SNTG2: variants seen among roughly 807,000 people sequenced by gnomAD.
SNTG2 encodes gamma-2-syntrophin.
SNTG2 carries 74 observed loss-of-function variants against 70.9 expected under a neutral mutation model. The observed-to-expected ratio is 1.04, with a 90% CI of 0.86 to 1.27. SNTG2 has a LOEUF of 1.27. Ranked by LOEUF, SNTG2 falls within the 50% of genes most tolerant of loss-of-function variation. The pLI is 0.00. For synonymous variants in SNTG2, 278 were observed against 273.8 expected (o/e 1.02, Z -0.15); for missense variants, 717 against 690.7 (o/e 1.04, Z -0.43).
At chr2:1,201,676 T>A (rs564894258) in intron 8 of SNTG2, among the ~76,000 whole-genome samples, 1 of 152,122 alleles carries the variant, frequency 6.6e-6, no homozygotes, top group African/African-American at 2.4e-5. Flanking sequence ...TTTTAATACC[T>A]TGTTTTGATC....
At chr2:990,256 C>T (rs915772724) in intron 1 of SNTG2, among the ~76,000 whole-genome samples, 5 of 152,206 alleles carry the variant, frequency 3.3e-5, no homozygotes, top group African/African-American at 1.2e-4. Flanking sequence ...CTCAGAGAGG[C>T]CTTGCTGTGT....
chr2:1,124,548 A>G (rs774896784), intron 4 of SNTG2, among the ~76,000 whole-genome samples: 9 of 151,994 alleles, frequency 5.9e-5, no homozygotes, highest in Non-Finnish European at 1.3e-4. Context: ...CTCCCACCTT[A>G]GCCTCCCAAA....
intron 1 of SNTG2, among the ~76,000 whole-genome samples, chr2:1,031,835 C>G (rs4971334): frequency 0.38 from 57,483 of 151,454 alleles, 11,232 homozygotes; most frequent in South Asian, 0.44. Flanking sequence ...AAATATCATG[C>G]ATAGGTCAAT....
chr2:1,018,250 G>T (rs1659973338), intron 1 of SNTG2, among the ~76,000 whole-genome samples: 2 of 152,178 alleles, frequency 1.3e-5, no homozygotes, highest in African/African-American at 2.4e-5. Flanking sequence ...GTGCATCAAA[G>T]CAAGGGAAAC....
At chr2:1,106,648 A>C (rs868381062) in intron 4 of SNTG2, among the ~76,000 whole-genome samples, 2 of 97,466 alleles carry the variant, frequency 2.1e-5, no homozygotes, top group East Asian at 3.5e-4. Context: ...TAGTGGACAC[A>C]CGCTGTCACT....
intron 4 of SNTG2, among the ~76,000 whole-genome samples, chr2:1,105,827 C>T (rs1056930219): frequency 2.0e-5 from 3 of 152,152 alleles, no homozygotes; most frequent in African/African-American, 4.8e-5. Flanking sequence ...CTCCCTGCTC[C>T]GATGCATGGC....
chr2:967,278 G>A (rs73165768), intron 1 of SNTG2, among the ~76,000 whole-genome samples: 52,042 of 151,870 alleles, frequency 0.34, 9,647 homozygotes, highest in Middle Eastern at 0.46. Context: ...AATGGGGAGA[G>A]TGGACACCTT....
intron 16 of SNTG2, among the ~76,000 whole-genome samples, chr2:1,338,709 C>G (rs922135583): frequency 1.3e-5 from 2 of 152,086 alleles, no homozygotes; most frequent in Non-Finnish European, 1.5e-5. Flanking sequence ...CCAGAACATT[C>G]TTTTTTAGAG....
In SNTG2 at chr2:1,267,557, G is replaced by A. The variant is rs1248448154; in HGVS notation, c.1270G>A (p.Val424Ile). 1.2e-6 allele frequency: 2 copies of A among 1,612,874 alleles called. No individual in the cohort carries two copies. The highest frequency in any genetic ancestry group is 2.7e-5 in the African/African-American group (2 of 74,912). ...KSFQRATFME[V>I]QRTGSRTYMC... ...CTTCCAAAGAGCCACGTTCATGGAA[G>A]TTCAGAGAACCGGGGTAAGTGAACA... The change falls in exon 14 of 17, where the codon GTT becomes ATT. Residue 424 changes from valine (V) to isoleucine (I), a missense_variant. Coordinates refer to ENST00000308624, the MANE Select transcript of SNTG2 (RefSeq NM_018968.4).
At chr2:1,289,102 A>G (rs1297734585) in intron 14 of SNTG2, among the ~76,000 whole-genome samples, 1 of 151,190 alleles carries the variant, frequency 6.6e-6, no homozygotes, top group Non-Finnish European at 1.5e-5. Flanking sequence ...TTGGCTTGAA[A>G]CTCAAGTGTT....
intron 12 of SNTG2, among the ~76,000 whole-genome samples, chr2:1,254,002 C>CT (rs1337610512): frequency 6.6e-6 from 1 of 152,302 alleles, no homozygotes; most frequent in African/African-American, 2.4e-5. Flanking sequence ...CATGAAAACT[C>CT]TATTAGGAGA....
At chr2:1,112,466 G>T (rs929184467) in intron 4 of SNTG2, among the ~76,000 whole-genome samples, 2 of 151,564 alleles carry the variant, frequency 1.3e-5, no homozygotes, top group Non-Finnish European at 2.9e-5. Flanking sequence ...TACTAAGTGA[G>T]GTTTAAACCT....
intron 9 of SNTG2, among the ~76,000 whole-genome samples, chr2:1,227,167 G>A (rs1231256464): frequency 6.6e-6 from 1 of 152,222 alleles, no homozygotes; most frequent in Non-Finnish European, 1.5e-5. Context: ...TTTCTCCTAA[G>A]TTAATTCTGC....
chr2:1,113,570 G>C (rs890578086), intron 4 of SNTG2, among the ~76,000 whole-genome samples: 19 of 151,760 alleles, frequency 1.3e-4, no homozygotes, highest in African/African-American at 4.6e-4. Flanking sequence ...AGGATCGTGT[G>C]TACTAAGTGA....
At chr2:1,237,239 G>A (rs1005956114) in intron 9 of SNTG2, among the ~76,000 whole-genome samples, 11 of 152,064 alleles carry the variant, frequency 7.2e-5, no homozygotes, top group Non-Finnish European at 1.5e-4. Context: ...CACTGCGCCC[G>A]GCCAATATGC....
intron 12 of SNTG2, among the ~76,000 whole-genome samples, chr2:1,250,868 C>G (rs570599419): frequency 6.6e-6 from 1 of 152,216 alleles, no homozygotes; most frequent in African/African-American, 2.4e-5. Context: ...ATTCATGGCC[C>G]CTTTCTTGTC....
At chr2:1,180,313 A>T (rs1671787472) in intron 8 of SNTG2, among the ~76,000 whole-genome samples, 1 of 136,220 alleles carries the variant, frequency 7.3e-6, no homozygotes. Flanking sequence ...TTTGCAACCT[A>T]CTCATCTGAC....
chr2:1,187,371 G>A (rs1672311910), intron 8 of SNTG2, among the ~76,000 whole-genome samples: 1 of 152,106 alleles, frequency 6.6e-6, no homozygotes, highest in Non-Finnish European at 1.5e-5. Context: ...GGTGGGCCTC[G>A]TCCAATCAGT....
intron 1 of SNTG2, among the ~76,000 whole-genome samples, chr2:954,472 A>C (rs1207028446): frequency 6.6e-6 from 1 of 152,164 alleles, no homozygotes; most frequent in East Asian, 1.9e-4. Flanking sequence ...ATGGACCTTG[A>C]ACTGGTGTGT....
Sources: gnomAD v4.1 joint callset for allele counts (sites outside exome capture counted in the v4.1 genomes callset) on GRCh38, gnomAD v4.1.1 for gene constraint, MANE v1.5 for transcripts, NCBI Gene and HGNC (gene_info 2026-07-23, HGNC 2026-07-21) for gene names.